The following COBLL1 variants were observed in gnomAD, a reference collection of about 807,000 sequenced individuals.
COBLL1 encodes cordon-bleu WH2 repeat protein like 1.
Under a neutral mutation model 94.8 loss-of-function variants are expected in COBLL1, and 50 were observed. The ratio of observed to expected loss-of-function variants is 0.53; its 90% CI spans 0.42 to 0.67. The LOEUF is 0.67. Ranked by LOEUF, COBLL1 falls within the 30% of genes least tolerant of loss-of-function variation. COBLL1 has a pLI of 0.00. For missense variants in COBLL1, 1,362 were observed against 1,348.7 expected (o/e 1.01, Z -0.15); for synonymous variants, 448 against 473.8 (o/e 0.95, Z 0.71).
rs1182038268 is a variant in COBLL1 at position 164,694,858 on chromosome 2, A to C, written c.2534T>G (p.Ile845Arg). The C allele has an allele frequency of 6.2e-7, 1 of 1,613,724 alleles. No individual in the cohort carries two copies. Among genetic ancestry groups the C allele is most frequent in the Non-Finnish European group, 8.5e-7 (1 of 1,179,900 alleles). ...AAATTTTGATTCCAAAATATTGTTT[A>C]TTTCTTCCAAATTTGGTGCAAAAGG... ...TAPFAPNLEE[I>R]NNILESKFKS... is the part of the protein sequence containing the mutation. Residue 845 changes from isoleucine to arginine, a missense_variant, in exon 12 of 14, where the codon ATA (isoleucine) becomes AGA (arginine). Ile to Arg is a moderately conservative substitution (Grantham distance 97, BLOSUM62 -3). Transcript: ENST00000652658.
chr2:164,796,097 A>G (rs1366374736), intron 2 of COBLL1, among the ~76,000 whole-genome samples: 1 of 152,218 alleles, frequency 6.6e-6, no homozygotes, highest in Non-Finnish European at 1.5e-5. Flanking sequence ...CAAGGATTTA[A>G]GAACAAGTTA....
At chr2:164,773,660 G>A in intron 2 of COBLL1, 1 of 806,446 alleles carries the variant, frequency 1.2e-6, no homozygotes, top group Non-Finnish European at 1.8e-6. Flanking sequence ...CAAAAGATTA[G>A]GAAAGGTTAA....
chr2:164,696,118 TTTATA>T (rs984255021), intron 11 of COBLL1: 1 of 289,442 alleles, frequency 3.5e-6, no homozygotes, highest in African/African-American at 2.2e-5. Context: ...GGTGAAAATA[TTTATA>T]TTATATGTGT....
At position 164,695,318 on chromosome 2, in the gene COBLL1, T is replaced by A; in HGVS notation, c.2074A>T (p.Ile692Phe). The A allele has an allele frequency of 2.5e-6, 4 of 1,613,886 alleles. No individual in the cohort carries two copies. Among genetic ancestry groups the A allele is most frequent in the Non-Finnish European group, 3.4e-6 (4 of 1,179,942 alleles). ...TAAGAAGCAGTGGAATTTTTGTCAA[T>A]CCTATCTACAGGAGGCAAAAGATCA... ...NDDLLPPVDR[I>F]DKNSTASYLK... The change falls in exon 12 of 14, where the codon ATT becomes TTT. Residue 692 changes from isoleucine (I) to phenylalanine (F), a missense_variant. Ile to Phe is a conservative substitution (Grantham distance 21). Coordinates refer to ENST00000652658, the MANE Select transcript of COBLL1 (RefSeq NM_001365672.2).
intron 2 of COBLL1, among the ~76,000 whole-genome samples, chr2:164,745,548 T>G (rs561608565): frequency 6.6e-6 from 1 of 152,166 alleles, no homozygotes; most frequent in Admixed American, 6.5e-5. Context: ...TAAGACTCAG[T>G]TCCTATTCCT....
chr2:164,819,982 T>A (rs1441478794), intron 2 of COBLL1, among the ~76,000 whole-genome samples: 3 of 141,498 alleles, frequency 2.1e-5, no homozygotes, highest in Non-Finnish European at 3.1e-5. Context: ...TCTGCCACCA[T>A]ACCTGGCTTT....
chr2:164,757,055 G>A (rs1687446328), intron 2 of COBLL1, among the ~76,000 whole-genome samples: 1 of 152,080 alleles, frequency 6.6e-6, no homozygotes, highest in Non-Finnish European at 1.5e-5. Flanking sequence ...CTGAGGCCTA[G>A]GTGTCACTTT....
At chr2:164,820,896 GTTTT>G (rs1236237352) in intron 2 of COBLL1, among the ~76,000 whole-genome samples, 1 of 151,952 alleles carries the variant, frequency 6.6e-6, no homozygotes, top group African/African-American at 2.4e-5. Flanking sequence ...GTTTTGTTTT[GTTTT>G]GTTTTGAGAT....
intron 2 of COBLL1, among the ~76,000 whole-genome samples, chr2:164,825,666 T>G (rs1275859122): frequency 6.6e-6 from 1 of 152,218 alleles, no homozygotes; most frequent in East Asian, 1.9e-4. Context: ...TTAAAAGCTT[T>G]TAGTCAAGGG....
rs147189431 is a variant in COBLL1 at position 164,754,023 on chromosome 2, G to A, written c.42-10148C>T. 5.8e-3 allele frequency among the ~76,000 whole-genome samples: 876 copies of A among 152,168 alleles called. 5 individuals carry two copies. Among genetic ancestry groups the A allele is most frequent in the Non-Finnish European group, 9.1e-3 (617 of 68,016 alleles). ...GCTGAAGTTACAGGTGTGAGCCACCGTGCTGGCCCAGAATCTATTTTTTCA... is the reference window on the plus strand; with the variant it reads ...GCTGAAGTTACAGGTGTGAGCCACCATGCTGGCCCAGAATCTATTTTTTCA... On this transcript the variant is annotated intron_variant, in intron 2 of 13. Coordinates refer to ENST00000652658, the MANE Select transcript of COBLL1 (RefSeq NM_001365672.2).
chr2:164,809,104 A>T (rs983057310), intron 2 of COBLL1, among the ~76,000 whole-genome samples: 2 of 152,090 alleles, frequency 1.3e-5, no homozygotes, highest in Non-Finnish European at 2.9e-5. Flanking sequence ...TGTTTTTTTG[A>T]CTTAGAGGAT....
At chr2:164,794,501 A>T (rs1683340990) in intron 2 of COBLL1, among the ~76,000 whole-genome samples, 1 of 151,950 alleles carries the variant, frequency 6.6e-6, no homozygotes, top group South Asian at 2.1e-4. Context: ...GAAGAAAAAA[A>T]ATCAGATTAG....
chr2:164,740,884 C>A (rs1168622182), intron 3 of COBLL1, among the ~76,000 whole-genome samples: 3 of 150,494 alleles, frequency 2.0e-5, no homozygotes, highest in Admixed American at 2.0e-4. Context: ...GTGAGTTACA[C>A]GAGGGGGGGA....
At chr2:164,704,730 A>T (rs1435528361) in intron 8 of COBLL1, among the ~76,000 whole-genome samples, 1 of 152,226 alleles carries the variant, frequency 6.6e-6, no homozygotes, top group Non-Finnish European at 1.5e-5. Flanking sequence ...AAATTCACAG[A>T]TTATGACATG....
chr2:164,724,251 A>C (rs1685607701), intron 5 of COBLL1: 1 of 152,186 alleles, frequency 6.6e-6, no homozygotes, highest in Non-Finnish European at 1.5e-5. Context: ...GGCTAACATC[A>C]GAAAAAAATA....
intron 2 of COBLL1, among the ~76,000 whole-genome samples, chr2:164,748,781 C>A (rs1302933860): frequency 1.3e-5 from 2 of 151,930 alleles, no homozygotes; most frequent in African/African-American, 4.8e-5. Flanking sequence ...AAGAAAACTC[C>A]CCCACATCAG....
intron 13 of COBLL1, 38 bp from the exon 14 acceptor site, chr2:164,686,070 A>G: frequency 8.6e-7 from 1 of 1,159,708 alleles, no homozygotes; most frequent in Non-Finnish European, 1.2e-6. Flanking sequence ...CATCAATTTA[A>G]AATGGGATAG....
intron 10 of COBLL1, 78 bp downstream of exon 10, chr2:164,700,444 A>C: frequency 1.1e-6 from 1 of 869,688 alleles, no homozygotes; most frequent in Non-Finnish European, 1.8e-6. Context: ...TTATGTTTAA[A>C]ATATCAGATC....
At chr2:164,676,048 C>T (rs146923660), downstream of COBLL1, among the ~76,000 whole-genome samples, 7 of 152,284 alleles carry the variant, frequency 4.6e-5, no homozygotes, top group Non-Finnish European at 8.8e-5. Context: ...GGATTAACAA[C>T]TCAACCCACA....
Sources: gnomAD v4.1 joint callset for allele counts (sites outside exome capture counted in the v4.1 genomes callset) on GRCh38, gnomAD v4.1.1 for gene constraint, MANE v1.5 for transcripts, NCBI Gene and HGNC (gene_info 2026-07-23, HGNC 2026-07-21) for gene names.